The following ZHX2 variants were observed in gnomAD, a reference collection of about 807,000 sequenced individuals.
ZHX2 encodes the protein zinc fingers and homeoboxes protein 2.
In ZHX2, 6 loss-of-function variants were observed where a neutral mutation model predicts 21.9. The ratio of observed to expected loss-of-function variants is 0.27; its 90% CI spans 0.15 to 0.54. ZHX2 has a LOEUF of 0.54. Ranked by LOEUF, ZHX2 falls within the 20% of genes least tolerant of loss-of-function variation. ZHX2 has a pLI of 0.95. For synonymous variants in ZHX2, 434 were observed against 437.1 expected (o/e 0.99, Z 0.09); for missense variants, 908 against 1,090.7 (o/e 0.83, Z 2.36).
chr8:122,900,463 A>G (rs748167418), intron 2 of ZHX2, among the ~76,000 whole-genome samples: 8 of 152,106 alleles, frequency 5.3e-5, no homozygotes, highest in Non-Finnish European at 1.2e-4. Flanking sequence ...CCATGACCCA[A>G]ACACCTCCCC....
At chr8:122,847,116 T>C (rs553786050) in intron 1 of ZHX2, among the ~76,000 whole-genome samples, 17 of 152,256 alleles carry the variant, frequency 1.1e-4, no homozygotes, top group African/African-American at 4.1e-4. Flanking sequence ...CAATTTCAAG[T>C]TGTGTTCCCA....
chr8:122,843,145 G>A (rs1304418052), intron 1 of ZHX2, among the ~76,000 whole-genome samples: 1 of 152,332 alleles, frequency 6.6e-6, no homozygotes, highest in East Asian at 1.9e-4. Context: ...CGAAATGATT[G>A]AGATAATTAC....
intron 1 of ZHX2, among the ~76,000 whole-genome samples, chr8:122,798,078 G>C (rs78734781): frequency 6.6e-6 from 1 of 152,214 alleles, no homozygotes. Flanking sequence ...GCAACGCAGC[G>C]AGGAAGGGGC....
At chr8:122,838,462 G>T (rs974241267) in intron 1 of ZHX2, among the ~76,000 whole-genome samples, 2 of 151,844 alleles carry the variant, frequency 1.3e-5, no homozygotes, top group African/African-American at 4.8e-5. Flanking sequence ...AGAAAACAAG[G>T]TTCAACAAGA....
chr8:122,791,668 C>T (rs1168913182), intron 1 of ZHX2, among the ~76,000 whole-genome samples: 1 of 152,134 alleles, frequency 6.6e-6, no homozygotes, highest in Admixed American at 6.5e-5. Context: ...AGTTCAAGAC[C>T]AGCCTGACCA....
chr8:122,893,880 T>G (rs1467928458), intron 2 of ZHX2, among the ~76,000 whole-genome samples: 1 of 152,254 alleles, frequency 6.6e-6, no homozygotes, highest in East Asian at 1.9e-4. Flanking sequence ...GTGTTGTGTT[T>G]CCTTGTTTTT....
intron 1 of ZHX2, among the ~76,000 whole-genome samples, chr8:122,856,076 CT>C (rs1164458426): frequency 6.6e-6 from 1 of 152,170 alleles, no homozygotes; most frequent in African/African-American, 2.4e-5. Flanking sequence ...CAGCACGTCA[CT>C]TTTATAATAT....
intron 2 of ZHX2, among the ~76,000 whole-genome samples, chr8:122,928,783 G>A (rs924151501): frequency 1.3e-5 from 2 of 152,138 alleles, no homozygotes; most frequent in African/African-American, 4.8e-5. Flanking sequence ...GGGCCAACGG[G>A]GGTATCCAAG....
At position 122,856,428 on chromosome 8, in the gene ZHX2, C is replaced by G. The variant is rs1454406583; in HGVS notation, c.-282-7049C>G. On this transcript the variant is annotated intron_variant, in intron 1 of 3. Transcript: ENST00000314393. ...TTTAGGGATTATGGAGAACCCAGTT[C>G]CCCCAGGTTGATCTCCTTACTGTTG... Among the ~76,000 whole-genome samples, 4 of 152,134 alleles carry G rather than the reference C, an allele frequency of 2.6e-5. No individual in the cohort carries two copies. In the South Asian group the frequency reaches 8.3e-4, roughly 32 times the overall value.
rs1249520298 is a variant in ZHX2 at position 122,914,533 on chromosome 8, C to T, written c.-219-36759C>T. Among the ~76,000 whole-genome samples the T allele has an allele frequency of 3.3e-5, 5 of 152,216 alleles. No individual in the cohort carries two copies. In the East Asian group the frequency reaches 7.7e-4, roughly 23 times the overall value. On this transcript the variant is annotated intron_variant, in intron 2 of 3. Coordinates refer to ENST00000314393, the MANE Select transcript of ZHX2 (RefSeq NM_014943.5). ...CCCGGTGCTGCCAGAACAAAATGCT[C>T]GCCCTGTCCCTGGTTCCCAAGACCT...
At chr8:122,858,779 T>A (rs936926101) in intron 1 of ZHX2, among the ~76,000 whole-genome samples, 3 of 152,112 alleles carry the variant, frequency 2.0e-5, no homozygotes, top group Non-Finnish European at 4.4e-5. Context: ...TAGCTGGGAT[T>A]ACAGGCATGT....
At chr8:122,930,229 A>T (rs1245066547) in intron 2 of ZHX2, among the ~76,000 whole-genome samples, 2 of 152,190 alleles carry the variant, frequency 1.3e-5, no homozygotes, top group African/African-American at 4.8e-5. Flanking sequence ...GACCCAAGGG[A>T]TACTTATTAC....
intron 1 of ZHX2, among the ~76,000 whole-genome samples, chr8:122,811,430 A>C (rs1374997875): frequency 2.0e-5 from 3 of 152,220 alleles, no homozygotes; most frequent in Non-Finnish European, 2.9e-5. Context: ...TGATAGAACC[A>C]GACTAGAGAA....
chr8:122,820,549 G>T (rs75828837), intron 1 of ZHX2, among the ~76,000 whole-genome samples: 2 of 152,226 alleles, frequency 1.3e-5, no homozygotes, highest in African/African-American at 2.4e-5. Flanking sequence ...AAGGGAGCGG[G>T]AGCGGGGGAT....
rs756878479 is a variant in ZHX2, at chr8:122,855,834, A to G, written c.-282-7643A>G. Among the ~76,000 whole-genome samples, 16 of 152,336 alleles carry G rather than the reference A, an allele frequency of 1.1e-4. No individual in the cohort carries two copies. The Middle Eastern group carries it at 0.01, about 97-fold the overall frequency. On this transcript the variant is annotated intron_variant, in intron 1 of 3. Transcript: ENST00000314393. The stretch of plus-strand genomic sequence containing the variant: ...TTCTCCTTCTGTATTCCCAGCTACC[A>G]TGTTGTACACAGGAAGATCCAAATT...
intron 3 of ZHX2, among the ~76,000 whole-genome samples, chr8:122,961,895 C>T (rs778635725): frequency 6.6e-6 from 1 of 152,174 alleles, no homozygotes; most frequent in Non-Finnish European, 1.5e-5. Flanking sequence ...TCTCAACTTG[C>T]TTACTGCTCT....
intron 2 of ZHX2, among the ~76,000 whole-genome samples, chr8:122,948,578 G>T (rs1027758270): frequency 1.3e-5 from 2 of 152,122 alleles, no homozygotes; most frequent in Admixed American, 6.6e-5. Context: ...ATATAAAAAT[G>T]TACTCTAAAC....
intron 3 of ZHX2, among the ~76,000 whole-genome samples, chr8:122,966,335 T>G (rs954101372): frequency 6.6e-6 from 1 of 152,242 alleles, no homozygotes; most frequent in Non-Finnish European, 1.5e-5. Context: ...GCATTTCTTG[T>G]AGCACTGCTT....
intron 2 of ZHX2, among the ~76,000 whole-genome samples, chr8:122,868,084 C>T (rs548931027): frequency 1.3e-5 from 2 of 152,232 alleles, no homozygotes; most frequent in Admixed American, 6.5e-5. Context: ...ACGATTGAGC[C>T]TTTTAGCGGG....
Sources: allele counts gnomAD v4.1 joint callset (sites outside exome capture counted in the v4.1 genomes callset), GRCh38; gene constraint gnomAD v4.1.1; transcripts MANE v1.5; gene names NCBI Gene and HGNC (gene_info 2026-07-23, HGNC 2026-07-21).